Variants in CEACAM7 observed in about 807,000 individuals in gnomAD.
CEACAM7 encodes the protein cell adhesion molecule CEACAM7.
Under a neutral mutation model 25.7 loss-of-function variants are expected in CEACAM7, and 24 were observed. The observed-to-expected ratio is 0.93, with a 90% CI of 0.68 to 1.31. The LOEUF is 1.31. Ranked by LOEUF, CEACAM7 falls within the 40% of genes most tolerant of loss-of-function variation. CEACAM7 has a pLI of 0.00. For synonymous variants in CEACAM7, 144 were observed against 129.4 expected (o/e 1.11, Z -0.77); for missense variants, 324 against 330.1 (o/e 0.98, Z 0.14).
chr19:41,684,346 G>T (rs539619128), intron 2 of CEACAM7, among the ~76,000 whole-genome samples: 1 of 152,346 alleles, frequency 6.6e-6, no homozygotes, highest in Admixed American at 6.5e-5. Context: ...AGCCACTGGT[G>T]CCTCTCCTGG....
intron 1 of CEACAM7, 48 bp from the exon 2 acceptor site, chr19:41,687,269 G>A: frequency 2.6e-6 from 4 of 1,529,136 alleles, no homozygotes; most frequent in Non-Finnish European, 3.5e-6. Context: ...TATGTATTGG[G>A]GTGGAAAGAT....
chr19:41,683,986 G>A lies in CEACAM7; in HGVS notation c.505C>T (p.Gln169Ter), dbSNP rs781796925. Residue 169 changes from glutamine to a stop codon, truncating the protein, a stop_gained, in exon 3 of 5, where the codon CAA (glutamine) becomes TAA (stop). Transcript: ENST00000401731. LOFTEE classifies it high-confidence loss of function. ...TAGGTTGTGTTCTGAGTCTCAGGTT[G>A]ACAGGTTAAAACCACAATATCTTTG... ...ENKDIVVLTC[Q>*]PETQNTTYLW... The A allele has an allele frequency of 6.2e-7, 1 of 1,614,194 alleles. No individual in the cohort carries two copies. The highest frequency in any genetic ancestry group is 1.1e-5 in the South Asian group (1 of 91,078).
At chr19:41,686,642 C>G (rs1328364802) in intron 2 of CEACAM7, among the ~76,000 whole-genome samples, 1 of 152,194 alleles carries the variant, frequency 6.6e-6, no homozygotes, top group South Asian at 2.1e-4. Context: ...TCAGACTGTC[C>G]TTCCTCTGCA....
At chr19:41,682,802 A>T (rs369492322) in intron 3 of CEACAM7, among the ~76,000 whole-genome samples, 2 of 152,254 alleles carry the variant, frequency 1.3e-5, no homozygotes, top group South Asian at 4.1e-4. Flanking sequence ...GCAAAAGAAC[A>T]CAAAGAGGTG....
rs2072123474 is a variant in CEACAM7 at position 41,677,256 on chromosome 19, G to A, written c.*36+120C>T. 3.9e-5 allele frequency: 23 copies of A among 585,264 alleles called. No individual in the cohort carries two copies. The South Asian group carries it at 5.1e-4, about 13-fold the overall frequency. The allele number at this position is 585,264 out of a possible 1,614,324, so 36.3% of individuals were successfully genotyped here. Reference sequence around the variant, plus strand: ...CAGGAATTAGTGCTTAGAAGCAGGAGTTTAGTGGGAGGAGGAGGAGATCTA... The same window carrying A: ...CAGGAATTAGTGCTTAGAAGCAGGAATTTAGTGGGAGGAGGAGGAGATCTA... On this transcript the variant is annotated intron_variant, in intron 4 of 4. Transcript: ENST00000401731.
At chr19:41,686,589 G>T (rs1555811200) in intron 2 of CEACAM7, among the ~76,000 whole-genome samples, 1 of 152,170 alleles carries the variant, frequency 6.6e-6, no homozygotes, top group Non-Finnish European at 1.5e-5. Flanking sequence ...GGAGGGCACA[G>T]AATCTTGGCT....
In CEACAM7 at chr19:41,682,266, A is replaced by C. The variant is rs1555810764; in HGVS notation, c.706+1519T>G. Among the ~76,000 whole-genome samples the C allele has an allele frequency of 2.6e-5, 4 of 151,886 alleles. 1 individual carries two copies. The highest frequency in any genetic ancestry group is 9.7e-5 in the African/African-American group (4 of 41,158). On this transcript the variant is annotated intron_variant, in intron 3 of 4. Transcript: ENST00000401731. Reference sequence around the variant, plus strand: ...AAACCGTATATGTAAAATGGCTAATATGGTAAATTTCAGGTTATGAGTGCT... The same window carrying C: ...AAACCGTATATGTAAAATGGCTAATCTGGTAAATTTCAGGTTATGAGTGCT...
rs1477518581 is a variant in CEACAM7, at chr19:41,683,150, T to A, written c.706+635A>T. On this transcript the variant is annotated intron_variant, in intron 3 of 4. Transcript: ENST00000401731. ...GTCCAGGGATCCATGTACCACGGACTGTGATCATCTTGACTGTGGTACTAT... is the reference window on the plus strand; with the variant it reads ...GTCCAGGGATCCATGTACCACGGACAGTGATCATCTTGACTGTGGTACTAT... Among the ~76,000 whole-genome samples, 5 of 152,238 alleles carry A rather than the reference T, an allele frequency of 3.3e-5. 1 individual carries two copies. Among genetic ancestry groups the A allele is most frequent in the African/African-American group, 7.2e-5 (3 of 41,468 alleles).
intron 2 of CEACAM7, 51 bp downstream of exon 2, chr19:41,686,808 A>G (rs2072229609): frequency 6.6e-7 from 1 of 1,507,654 alleles, no homozygotes; most frequent in Non-Finnish European, 8.9e-7. Flanking sequence ...CCCCGTGTGT[A>G]TGAAGTAGAA....
intron 2 of CEACAM7, among the ~76,000 whole-genome samples, chr19:41,686,413 G>A (rs1236688073): frequency 6.6e-6 from 1 of 152,150 alleles, no homozygotes. Flanking sequence ...TTCAGCCCAG[G>A]AGGCCACAAC....
intron 4 of CEACAM7, among the ~76,000 whole-genome samples, chr19:41,676,233 C>G (rs1461343517): frequency 6.6e-6 from 1 of 152,222 alleles, no homozygotes; most frequent in Non-Finnish European, 1.5e-5. Flanking sequence ...AATGTATGAG[C>G]AGAGCCTGGA....
At chr19:41,683,492 C>T (rs1489589242) in intron 3 of CEACAM7, among the ~76,000 whole-genome samples, 1 of 152,212 alleles carries the variant, frequency 6.6e-6, no homozygotes, top group Non-Finnish European at 1.5e-5. Flanking sequence ...AAATCACAAT[C>T]CTGAAGTCCC....
chr19:41,678,379 G>A (rs1320808261), intron 3 of CEACAM7, among the ~76,000 whole-genome samples: 2 of 150,902 alleles, frequency 1.3e-5, no homozygotes, highest in East Asian at 3.9e-4. Context: ...GTGTATATAT[G>A]TGAATATATA....
chr19:41,677,623 T>C (rs923505888), intron 3 of CEACAM7, 120 bp from the exon 4 acceptor site: 1 of 640,312 alleles, frequency 1.6e-6, no homozygotes, highest in Non-Finnish European at 2.7e-6. Context: ...ACATTATTTT[T>C]GTGGGAAGGT....
At chr19:41,676,047 TG>T (rs1412781632) in intron 4 of CEACAM7, among the ~76,000 whole-genome samples, 1 of 152,200 alleles carries the variant, frequency 6.6e-6, no homozygotes, top group African/African-American at 2.4e-5. Flanking sequence ...TATAAGCTTA[TG>T]TATGTTGAAA....
intron 3 of CEACAM7, among the ~76,000 whole-genome samples, chr19:41,683,433 G>A (rs1555810862): frequency 6.6e-6 from 1 of 152,202 alleles, no homozygotes; most frequent in Non-Finnish European, 1.5e-5. Flanking sequence ...TCCTCAGAGG[G>A]AAGCGGAAGC....
intron 3 of CEACAM7, among the ~76,000 whole-genome samples, chr19:41,681,277 A>C (rs1468438610): frequency 1.3e-5 from 2 of 152,148 alleles, no homozygotes; most frequent in Admixed American, 1.3e-4. Context: ...AAAACACAAA[A>C]CATGTATTTT....
chr19:41,678,313 G>A (rs116365728), intron 3 of CEACAM7, among the ~76,000 whole-genome samples: 869 of 33,970 alleles, frequency 0.026, 10 homozygotes, highest in African/African-American at 0.061. Context: ...TTTCTCCCAT[G>A]TATATGTATA....
intron 2 of CEACAM7, 64 bp downstream of exon 2, chr19:41,686,795 C>T: frequency 6.7e-7 from 1 of 1,495,928 alleles, no homozygotes; most frequent in South Asian, 1.4e-5. Flanking sequence ...CCAGGCCTGA[C>T]AACCCCGTGT....
Sources: gnomAD v4.1 joint callset for allele counts (sites outside exome capture counted in the v4.1 genomes callset) on GRCh38, gnomAD v4.1.1 for gene constraint, MANE v1.5 for transcripts, NCBI Gene and HGNC (gene_info 2026-07-23, HGNC 2026-07-21) for gene names.